The following TMEM184A variants were observed in gnomAD, a reference collection of about 807,000 sequenced individuals.
The protein encoded by TMEM184A is transmembrane protein 184A.
TMEM184A carries 40 observed loss-of-function variants against 39.5 expected under a neutral mutation model. The ratio of observed to expected loss-of-function variants is 1.01; its 90% CI spans 0.79 to 1.32. TMEM184A has a LOEUF of 1.32. Ranked by LOEUF, TMEM184A falls within the 40% of genes most tolerant of loss-of-function variation. The pLI, the probability that TMEM184A is intolerant of heterozygous loss-of-function variation, is 0.00. For synonymous variants in TMEM184A, 280 were observed against 252.3 expected, an observed-to-expected ratio of 1.11 and a Z score of -1.04; for missense variants, 603 against 568.8, an observed-to-expected ratio of 1.06 and a Z score of -0.61.
chr7:1,550,233 T>A (rs1784534948), intron 4 of TMEM184A, 35 bp from the exon 5 acceptor site: 2 of 1,605,314 alleles, frequency 1.2e-6, no homozygotes, highest in Non-Finnish European at 1.7e-6. Context: ...TGCGGGAGAA[T>A]GCAGCCCCGG....
At chr7:1,548,773 G>T in intron 6 of TMEM184A, 85 bp from the exon 7 acceptor site, 1 of 1,487,746 alleles carries the variant, frequency 6.7e-7, no homozygotes, top group Non-Finnish European at 9.2e-7. Context: ...TGCACCCTCA[G>T]CCTGGTCCCC....
At chr7:1,549,171 T>A (rs1475274793) in intron 6 of TMEM184A, 2 of 458,696 alleles carry the variant, frequency 4.4e-6, no homozygotes, top group Admixed American at 4.7e-5. Flanking sequence ...TGAGTGTACA[T>A]ACATGTGTGG....
At chr7:1,548,758 G>A (rs777340158) in intron 6 of TMEM184A, 70 bp from the exon 7 acceptor site, 27 of 1,541,300 alleles carry the variant, frequency 1.8e-5, no homozygotes, top group African/African-American at 5.5e-5. Context: ...TAGAGCCACC[G>A]CCGCTGCACC....
Position 1,547,184 on chromosome 7 carries a change from G to A in TMEM184A, c.1013-3C>T, listed in dbSNP as rs1448387075. ...GCTCTGCATGGGTGCCGGGGGGGCT[G>A]GGGGAGGGCAGTGTATGAGCCCCAC... On this transcript the variant is annotated splice_polypyrimidine_tract_variant and splice_region_variant and intron_variant, in intron 8 of 8. Transcript: ENST00000297477. The A allele has an allele frequency of 6.4e-7, 1 of 1,562,016 alleles. No homozygotes were observed.
intron 6 of TMEM184A, 112 bp downstream of exon 6, chr7:1,549,742 A>T: frequency 4.3e-6 from 4 of 937,048 alleles, no homozygotes; most frequent in Non-Finnish European, 6.5e-6. Flanking sequence ...CGCAGCTCCC[A>T]CCTTACTTGA....
At position 1,544,912 on chromosome 7, in the gene TMEM184A, C is replaced by G. The variant is rs922970596; in HGVS notation, c.*2040G>C. 1 of 152,290 alleles carries G rather than the reference C, an allele frequency of 6.6e-6. No individual in the cohort carries two copies. Among genetic ancestry groups the G allele is most frequent in the African/African-American group, 2.4e-5 (1 of 41,468 alleles). The allele number at this position is 152,290 out of a possible 1,614,324, so 9.4% of individuals were successfully genotyped here. ...GGGGGCATTTGGCGGAAACTGACTT[C>G]TCCCCTGTCCTAAAGTGCAGGCCTG... On this transcript the variant is annotated 3_prime_UTR_variant, in exon 9 of 9. Coordinates refer to ENST00000297477, the MANE Select transcript of TMEM184A (RefSeq NM_001097620.2).
Position 1,555,680 on chromosome 7 carries a change from C to T in TMEM184A, c.1-196G>A. On this transcript the variant is annotated intron_variant, in intron 1 of 8. Transcript: ENST00000297477. The surrounding 1 kb of genome is among the most constrained non-coding windows in gnomAD (Gnocchi z 5.2). ...TGCTCCGAGCTCAGCCATCGAAGCT[C>T]ACCCATCAACCACCTGCGACCTGAG... 1.6e-6 allele frequency: 1 copy of T among 629,590 alleles called. No homozygotes were observed. The highest frequency in any genetic ancestry group is 2.8e-6 in the Non-Finnish European group (1 of 355,632). The allele number at this position is 629,590 out of a possible 1,614,324, so 39.0% of individuals were successfully genotyped here.
rs754407322 is a variant in TMEM184A, at chr7:1,547,037, C to T, written c.1157G>A (p.Gly386Asp). ...GCCGGAGCCGCCGCTGGGGTGGGTG[C>T]CGGGCCTGGGCGCCTCGTGCGTGGC... ...QQATHEAPRP[G>D]THPSGGSGGS... Residue 386 changes from glycine to aspartate, a missense_variant, in exon 9 of 9, where the codon GGC (glycine) becomes GAC (aspartate). Coordinates refer to ENST00000297477, the MANE Select transcript of TMEM184A (RefSeq NM_001097620.2). The T allele has an allele frequency of 1.9e-5, 31 of 1,602,512 alleles. No individual in the cohort carries two copies. The highest frequency in any genetic ancestry group is 5.4e-5 in the African/African-American group (4 of 74,534).
Position 1,548,519 on chromosome 7 carries a change from C to G in TMEM184A, c.814G>C (p.Gly272Arg), listed in dbSNP as rs1784438453. The G allele has an allele frequency of 1.1e-5, 17 of 1,611,500 alleles. No individual in the cohort carries two copies. Among genetic ancestry groups the G allele is most frequent in the Non-Finnish European group, 1.4e-5 (17 of 1,178,880 alleles). Residue 272 changes from glycine to arginine, a missense_variant and splice_region_variant, in exon 7 of 9, where the codon GGG becomes CGG. By Grantham distance (125) the Gly-to-Arg change is moderately radical. Coordinates refer to ENST00000297477, the MANE Select transcript of TMEM184A (RefSeq NM_001097620.2). Reference protein sequence around the residue: ...KAVIFLSFWQGLLLAILERCG... With the variant: ...KAVIFLSFWQRLLLAILERCG... Reference sequence around the variant, plus strand: ...CCCCTGCCCCACCTGCCCCACACACCTTGCCAGAACGACAGGAAGATGACG... The same window carrying G: ...CCCCTGCCCCACCTGCCCCACACACGTTGCCAGAACGACAGGAAGATGACG...
rs112333641 is a variant in TMEM184A, at chr7:1,547,038, C to T, written c.1156G>A (p.Gly386Ser). The T allele has an allele frequency of 1.2e-5, 19 of 1,606,240 alleles. No homozygotes were observed. Among genetic ancestry groups the T allele is most frequent in the South Asian group, 3.3e-5 (3 of 90,932 alleles). ...QQATHEAPRP[G>S]THPSGGSGGS... ...CCGGAGCCGCCGCTGGGGTGGGTGC[C>T]GGGCCTGGGCGCCTCGTGCGTGGCC... is the stretch of plus-strand genomic sequence containing the variant. Residue 386 changes from glycine to serine, a missense_variant, in exon 9 of 9, where the codon GGC becomes AGC. By Grantham distance (56) the Gly-to-Ser change is moderately conservative (BLOSUM62 0). Transcript: ENST00000297477.
At chr7:1,550,010 G>A (rs1047144329) in intron 5 of TMEM184A, 65 bp from the exon 6 acceptor site, 1 of 1,600,438 alleles carries the variant, frequency 6.2e-7, no homozygotes, top group African/African-American at 1.3e-5. Flanking sequence ...ATGGGGATTG[G>A]GGCAGCCAGC....
At chr7:1,547,234 C>A in intron 8 of TMEM184A, 53 bp from the exon 9 acceptor site, 1 of 1,035,704 alleles carries the variant, frequency 9.7e-7, no homozygotes, top group East Asian at 2.4e-5. Flanking sequence ...TCCAGCTCCC[C>A]GGACAAGTCC....
rs759372481 is a variant in TMEM184A at position 1,546,931 on chromosome 7, G to T, written c.*21C>A. 6.7e-7 allele frequency: 1 copy of T among 1,496,528 alleles called. No homozygotes were observed. The highest frequency in any genetic ancestry group is 2.2e-5 in the Admixed American group (1 of 46,472). The allele number at this position is 1,496,528 out of a possible 1,614,324, so 92.7% of individuals were successfully genotyped here. ...GGCCTGGGCAGCCTGGGTCCCTACA[G>T]CACTGGCAGCCCAGGCCCCCCTACA... On this transcript the variant is annotated 3_prime_UTR_variant, in exon 9 of 9. Coordinates refer to ENST00000297477, the MANE Select transcript of TMEM184A (RefSeq NM_001097620.2).
At chr7:1,550,705 G>A (rs937787596) in intron 3 of TMEM184A, 112 bp downstream of exon 3, 21 of 1,366,808 alleles carry the variant, frequency 1.5e-5, no homozygotes, top group African/African-American at 2.9e-5. Flanking sequence ...CCCCTCTGAC[G>A]GGCCGGGAGA....
chr7:1,550,405 G>T lies in TMEM184A; in HGVS notation c.386-10C>A. 2 of 1,607,022 alleles carry T rather than the reference G, an allele frequency of 1.2e-6. No individual in the cohort carries two copies. The highest frequency in any genetic ancestry group is 1.7e-5 in the Admixed American group (1 of 59,354). Reference sequence around the variant, plus strand: ...CTGTAAATGACAAAGGCTGCAGGGAGCACAGAGGGGGACCGGCTGTGAGCC... The same window carrying T: ...CTGTAAATGACAAAGGCTGCAGGGATCACAGAGGGGGACCGGCTGTGAGCC... On this transcript the variant is annotated splice_polypyrimidine_tract_variant and intron_variant, in intron 3 of 8. Coordinates refer to ENST00000297477, the MANE Select transcript of TMEM184A (RefSeq NM_001097620.2).
At chr7:1,550,274 G>T in intron 4 of TMEM184A, 31 bp downstream of exon 4, 1 of 1,610,724 alleles carries the variant, frequency 6.2e-7, no homozygotes, top group Non-Finnish European at 8.5e-7. Flanking sequence ...CAGGTGTGTG[G>T]GGTGTGGGGG....
intron 3 of TMEM184A, 145 bp downstream of exon 3, chr7:1,550,672 G>A (rs576625007): frequency 2.4e-5 from 27 of 1,104,822 alleles, no homozygotes; most frequent in East Asian, 1.5e-4. Flanking sequence ...TGCCAGCGCC[G>A]CTAACCCTGA....
intron 6 of TMEM184A, 96 bp downstream of exon 6, chr7:1,549,758 G>T: frequency 8.6e-7 from 1 of 1,156,514 alleles, no homozygotes; most frequent in Non-Finnish European, 1.2e-6. Flanking sequence ...CTTGAGCCCA[G>T]CTGGACGCCA....
intron 2 of TMEM184A, among the ~76,000 whole-genome samples, chr7:1,553,702 C>T (rs1012245693): frequency 1.3e-5 from 2 of 152,126 alleles, no homozygotes; most frequent in African/African-American, 2.4e-5. Flanking sequence ...CTGGGAGGGA[C>T]GGCATGACCA....
Sources: gnomAD v4.1 joint callset for allele counts (sites outside exome capture counted in the v4.1 genomes callset) on GRCh38, gnomAD v4.1.1 for gene constraint, Gnocchi (gnomAD v3.1) non-coding constraint, MANE v1.5 for transcripts, NCBI Gene and HGNC (gene_info 2026-07-23, HGNC 2026-07-21) for gene names.